The following ANK3 variants were observed in gnomAD, a reference collection of about 807,000 sequenced individuals.
The protein encoded by ANK3 is ankyrin 3, also known as ankyrin-3.
A neutral mutation model predicts 370.9 loss-of-function variants in ANK3; 57 were observed. That is an observed-to-expected ratio of 0.15 (90% CI 0.12 to 0.19). The LOEUF (loss-of-function observed/expected upper bound fraction) is 0.19, where lower values mean the gene tolerates loss of function less well. ANK3 is among the 10% of genes least tolerant of loss of function. The probability of loss-of-function intolerance (pLI) is 1.00; values close to 1 mark genes in which losing one functional copy is unlikely to be tolerated. For missense variants in ANK3, 4,439 were observed against 5,302.1 expected, an observed-to-expected ratio of 0.84 and a Z score of 5.06; for synonymous variants, 1,929 against 1,946.3, an observed-to-expected ratio of 0.99 and a Z score of 0.23.
At chr10:60,179,196 C>G (rs1386782635) in intron 18 of ANK3, among the ~76,000 whole-genome samples, 3 of 152,136 alleles carry the variant, frequency 2.0e-5, no homozygotes, top group African/African-American at 7.2e-5. Context: ...TGCAAGCAAC[C>G]CAGCTATCTG....
intron 1 of ANK3, among the ~76,000 whole-genome samples, chr10:60,284,260 T>C (rs1245841667): frequency 6.6e-6 from 1 of 152,186 alleles, no homozygotes; most frequent in Non-Finnish European, 1.5e-5. Context: ...AGTGTGATTC[T>C]ACTGATACCT....
intron 28 of ANK3, among the ~76,000 whole-genome samples, chr10:60,091,921 G>A (rs896566056): frequency 3.9e-5 from 6 of 152,044 alleles, no homozygotes; most frequent in African/African-American, 7.2e-5. Context: ...AGTAGAGATG[G>A]GGTTTCACCA....
At chr10:60,687,533 A>ACACACACACACACACAC (rs375712984) in intron 1 of ANK3, among the ~76,000 whole-genome samples, 80 of 68,592 alleles carry the variant, frequency 1.2e-3, no homozygotes, top group African/African-American at 3.7e-3. Context: ...GGTATAAAAA[A>ACACACACACACACACAC]AAACACACAC....
chr10:60,318,473 A>T (rs1032594464), intron 1 of ANK3, among the ~76,000 whole-genome samples: 1 of 152,234 alleles, frequency 6.6e-6, no homozygotes, highest in Non-Finnish European at 1.5e-5. Flanking sequence ...ACAAGCCAAA[A>T]CCAACAGAGC....
At chr10:60,515,775 A>T (rs1275357841) in intron 2 of ANK3, among the ~76,000 whole-genome samples, 1 of 152,132 alleles carries the variant, frequency 6.6e-6, no homozygotes, top group East Asian at 1.9e-4. Flanking sequence ...GAAAGCAGCT[A>T]AATAGAGAAA....
chr10:60,241,643 C>T (rs550595848), intron 7 of ANK3, among the ~76,000 whole-genome samples: 14 of 152,206 alleles, frequency 9.2e-5, no homozygotes, highest in East Asian at 7.7e-4. Flanking sequence ...TTTTCATCAC[C>T]GGCACAATAG....
chr10:60,655,051 AC>A (rs566958660), intron 1 of ANK3, among the ~76,000 whole-genome samples: 130 of 152,294 alleles, frequency 8.5e-4, no homozygotes, highest in African/African-American at 2.9e-3. Context: ...ACTGGTGTAA[AC>A]AAAGCTACTG....
intron 1 of ANK3, among the ~76,000 whole-genome samples, chr10:60,645,589 G>T (rs10994455): frequency 0.68 from 102,769 of 151,794 alleles, 34,933 homozygotes; most frequent in South Asian, 0.83. Flanking sequence ...GCTGGCCATG[G>T]TGGTGGGTGC....
intron 23 of ANK3, among the ~76,000 whole-genome samples, chr10:60,142,492 T>C (rs968566189): frequency 2.0e-5 from 3 of 152,110 alleles, no homozygotes; most frequent in Non-Finnish European, 4.4e-5. Flanking sequence ...TTGGAATCCA[T>C]GACTGATAAT....
intron 2 of ANK3, among the ~76,000 whole-genome samples, chr10:60,468,995 GTGTATATATATA>G (rs377645560): frequency 8.7e-5 from 3 of 34,556 alleles, no homozygotes; most frequent in East Asian, 4.9e-4. Flanking sequence ...CACTTTTAGT[GTGTATATATATA>G]TATATATATA....
intron 1 of ANK3, among the ~76,000 whole-genome samples, chr10:60,291,869 C>T (rs1349573352): frequency 6.6e-6 from 1 of 152,068 alleles, no homozygotes; most frequent in Non-Finnish European, 1.5e-5. Context: ...CAGACCGCCA[C>T]GCCTGACTAA....
At chr10:60,082,777 T>C in intron 33 of ANK3, 40 bp from the exon 34 acceptor site, 1 of 1,593,736 alleles carries the variant, frequency 6.3e-7, no homozygotes, top group Non-Finnish European at 8.5e-7. Context: ...AGAATGAGAC[T>C]TATCTGAGGA....
chr10:60,691,115 G>A (rs958747838), intron 1 of ANK3, among the ~76,000 whole-genome samples: 1 of 152,094 alleles, frequency 6.6e-6, no homozygotes, highest in Non-Finnish European at 1.5e-5. Flanking sequence ...CCACAGATCT[G>A]TTAGGTCAAA....
In ANK3 at chr10:60,069,645, C is replaced by T; in HGVS notation, c.11236G>A (p.Glu3746Lys). 2.5e-6 allele frequency: 4 copies of T among 1,614,144 alleles called. No homozygotes were observed. Among genetic ancestry groups the T allele is most frequent in the Non-Finnish European group, 3.4e-6 (4 of 1,180,010 alleles). ...EGPGEITDKI[E>K]AVMTSCQGLE... ...CCCTGACAACTGGTCATCACCGCTT[C>T]TATCTTATCTGTTATTTCTCCAGGG... is the stretch of plus-strand genomic sequence containing the variant. The change falls in exon 37 of 44, where the codon GAA (glutamate) becomes AAA (lysine). Residue 3746 changes from glutamate (E) to lysine (K), a missense_variant. By Grantham distance (56) the Glu-to-Lys change is moderately conservative. Around this residue, in one of 13 missense-constraint regions of ANK3, gnomAD observed 496 missense variants for 529.3 expected, o/e 0.94. Coordinates refer to ENST00000280772, the MANE Select transcript of ANK3 (RefSeq NM_020987.5).
At chr10:60,690,656 T>C (rs2079338941) in intron 1 of ANK3, among the ~76,000 whole-genome samples, 1 of 151,980 alleles carries the variant, frequency 6.6e-6, no homozygotes. Context: ...ACTGGACAAA[T>C]CTAGGGCTGC....
At chr10:60,303,492 T>A (rs902673001) in intron 1 of ANK3, among the ~76,000 whole-genome samples, 1 of 152,100 alleles carries the variant, frequency 6.6e-6, no homozygotes, top group Non-Finnish European at 1.5e-5. Flanking sequence ...AAATGGTGGT[T>A]GACATCACTA....
chr10:60,070,319 C>G lies in ANK3; in HGVS notation c.10562G>C (p.Ser3521Thr), dbSNP rs753265298. ...GGCAAATTCTTCATCTACTTTGTAA[C>G]TGAAGTAAGTATCAGGAAACACTGA... The part of the protein sequence containing the change: ...DRSVFPDTYF[S>T]YKVDEEFATP... Residue 3521 changes from serine (S) to threonine (T), a missense_variant, in exon 37 of 44, where the codon AGT (serine) becomes ACT (threonine). Physicochemically the swap from Ser to Thr is moderately conservative, Grantham distance 58. Coordinates refer to ENST00000280772, the MANE Select transcript of ANK3 (RefSeq NM_020987.5). This position sits in a 1 kb window ranked among gnomAD's most constrained non-coding sequence, Gnocchi z 5.7. 6.2e-7 allele frequency: 1 copy of G among 1,614,118 alleles called. No homozygotes were observed. Among genetic ancestry groups the G allele is most frequent in the East Asian group, 2.2e-5 (1 of 44,862 alleles).
At chr10:60,198,272 T>C in intron 14 of ANK3, 68 bp downstream of exon 14, 1 of 1,509,108 alleles carries the variant, frequency 6.6e-7, no homozygotes, top group African/African-American at 1.4e-5. Context: ...GACCTGTTAC[T>C]ATGCGGGGAA....
intron 16 of ANK3, among the ~76,000 whole-genome samples, chr10:60,194,363 T>G (rs983280981): frequency 1.3e-5 from 2 of 152,240 alleles, no homozygotes; most frequent in African/African-American, 4.8e-5. Context: ...TGCAGAACTT[T>G]TTAGTCTTCC....
Sources: gnomAD v4.1 joint callset for allele counts (sites outside exome capture counted in the v4.1 genomes callset) on GRCh38, gnomAD v4.1.1 for gene constraint, gnomAD v4.1.1 regional missense constraint, Gnocchi (gnomAD v3.1) non-coding constraint, MANE v1.5 for transcripts, NCBI Gene and HGNC (gene_info 2026-07-23, HGNC 2026-07-21) for gene names.